Variants in RASGRP3 observed in about 807,000 individuals in gnomAD.
The protein encoded by RASGRP3 is RAS guanyl releasing protein 3.
In RASGRP3, 54 loss-of-function variants were observed where a neutral mutation model predicts 82.7. That is an observed-to-expected ratio of 0.65 (90% CI 0.52 to 0.82). The LOEUF (loss-of-function observed/expected upper bound fraction) is 0.82. RASGRP3 is among the 40% of genes least tolerant of loss of function. The pLI, the probability that RASGRP3 is intolerant of heterozygous loss-of-function variation, is 0.00. For missense variants in RASGRP3, 861 were observed against 828.9 expected (o/e 1.04, Z -0.48); for synonymous variants, 309 against 300.5 (o/e 1.03, Z -0.29).
chr2:33,470,666 A>G (rs1667005339), intron 2 of RASGRP3, among the ~76,000 whole-genome samples: 1 of 152,150 alleles, frequency 6.6e-6, no homozygotes, highest in Admixed American at 6.5e-5. Context: ...GGTGTGAGCC[A>G]CCACGCCCGG....
intron 7 of RASGRP3, among the ~76,000 whole-genome samples, chr2:33,522,428 G>T (rs1288428888): frequency 6.6e-6 from 1 of 152,178 alleles, no homozygotes; most frequent in Non-Finnish European, 1.5e-5. Context: ...AACATGTTTT[G>T]CTAGGCCCTT....
intron 2 of RASGRP3, among the ~76,000 whole-genome samples, chr2:33,460,662 A>C (rs1666310927): frequency 6.6e-6 from 1 of 151,794 alleles, no homozygotes; most frequent in South Asian, 2.1e-4. Context: ...CTACAGGCAC[A>C]AGCCGCCATG....
At chr2:33,492,799 C>G (rs1171487220) in intron 1 of RASGRP3, among the ~76,000 whole-genome samples, 1 of 152,172 alleles carries the variant, frequency 6.6e-6, no homozygotes, top group African/African-American at 2.4e-5. Context: ...ACCCTGGAAG[C>G]TGCCCTGGCC....
intron 1 of RASGRP3, among the ~76,000 whole-genome samples, chr2:33,441,184 A>G (rs1574210779): frequency 6.6e-6 from 1 of 152,116 alleles, no homozygotes; most frequent in African/African-American, 2.4e-5. Context: ...GAGCCACGGC[A>G]CCCAGCCTCC....
intron 13 of RASGRP3, among the ~76,000 whole-genome samples, chr2:33,547,628 T>C (rs1674928760): frequency 6.6e-6 from 1 of 152,000 alleles, no homozygotes; most frequent in African/African-American, 2.4e-5. Context: ...GTGCAAAAAT[T>C]CAGGACAACA....
intron 2 of RASGRP3, among the ~76,000 whole-genome samples, chr2:33,462,877 A>G (rs1448945290): frequency 1.3e-5 from 2 of 152,254 alleles, no homozygotes; most frequent in Admixed American, 6.5e-5. Context: ...GGAAATCATA[A>G]TTCTGAAAAT....
intron 1 of RASGRP3, among the ~76,000 whole-genome samples, chr2:33,477,835 C>G (rs897504): frequency 1.3e-5 from 2 of 152,066 alleles, no homozygotes; most frequent in Non-Finnish European, 1.5e-5. Context: ...TTCTGGAGAT[C>G]GCGTGGATCT....
At chr2:33,547,846 G>A (rs994985137) in intron 13 of RASGRP3, among the ~76,000 whole-genome samples, 42 of 152,070 alleles carry the variant, frequency 2.8e-4, no homozygotes, top group African/African-American at 1.0e-3. Flanking sequence ...TGGAGAGGAA[G>A]GAGGAGAAGC....
upstream of RASGRP3, among the ~76,000 whole-genome samples, chr2:33,475,170 T>A (rs1335803682): frequency 6.6e-6 from 1 of 152,370 alleles, no homozygotes; most frequent in African/African-American, 2.4e-5. Flanking sequence ...CATTTTTATA[T>A]CTGAAGTTTA....
chr2:33,509,434 T>A (rs923704861), intron 1 of RASGRP3, among the ~76,000 whole-genome samples: 1 of 152,052 alleles, frequency 6.6e-6, no homozygotes, highest in African/African-American at 2.4e-5. Flanking sequence ...CATGCCATTC[T>A]CCTTTCAAAC....
chr2:33,529,810 T>C (rs1391114180), intron 10 of RASGRP3, among the ~76,000 whole-genome samples: 1 of 151,990 alleles, frequency 6.6e-6, no homozygotes, highest in African/African-American at 2.4e-5. Flanking sequence ...AGCTCTAAAC[T>C]TCTAGGATTC....
intron 1 of RASGRP3, among the ~76,000 whole-genome samples, chr2:33,489,297 C>T (rs1021757027): frequency 6.6e-6 from 1 of 152,212 alleles, no homozygotes; most frequent in African/African-American, 2.4e-5. Context: ...TTACATGCAA[C>T]ATTTTTGCTT....
At chr2:33,485,977 A>T (rs1301879615) in intron 1 of RASGRP3, among the ~76,000 whole-genome samples, 1 of 152,186 alleles carries the variant, frequency 6.6e-6, no homozygotes, top group Non-Finnish European at 1.5e-5. Flanking sequence ...TATTTGGAAA[A>T]TTGTTTTGAG....
chr2:33,470,233 G>T (rs4670565), intron 2 of RASGRP3, among the ~76,000 whole-genome samples: 1 of 151,848 alleles, frequency 6.6e-6, no homozygotes, highest in East Asian at 1.9e-4. Context: ...AAGTTTTCCA[G>T]TACAGAAAAA....
intron 9 of RASGRP3, among the ~76,000 whole-genome samples, 181 bp from the exon 10 acceptor site, chr2:33,526,956 A>T (rs1232884950): frequency 2.0e-5 from 3 of 152,228 alleles, no homozygotes; most frequent in Non-Finnish European, 2.9e-5. Flanking sequence ...TGCTCAATGC[A>T]TAGCCAGGCC....
At chr2:33,547,342 CTTTTTTTTTTTTTTTT>C (rs59601670) in intron 13 of RASGRP3, among the ~76,000 whole-genome samples, 3 of 68,208 alleles carry the variant, frequency 4.4e-5, no homozygotes, top group Admixed American at 2.5e-4. Flanking sequence ...ATATAGAATC[CTTTTTTTTTTTTTTTT>C]TTTTTTTTTT....
At chr2:33,518,361 G>A (rs1671662295) in intron 4 of RASGRP3, among the ~76,000 whole-genome samples, 1 of 152,200 alleles carries the variant, frequency 6.6e-6, no homozygotes, top group Non-Finnish European at 1.5e-5. Context: ...AAGATAAAAA[G>A]TGGTACACCT....
At chr2:33,481,037 AG>A (rs1398342442) in intron 1 of RASGRP3, 1 of 152,246 alleles carries the variant, frequency 6.6e-6, no homozygotes, top group African/African-American at 2.4e-5. Context: ...GAGGAAATAG[AG>A]GACGAGAGAA....
chr2:33,501,638 C>G (rs1210562674), intron 1 of RASGRP3, among the ~76,000 whole-genome samples: 1 of 152,210 alleles, frequency 6.6e-6, no homozygotes, highest in African/African-American at 2.4e-5. Context: ...AAACCCTACT[C>G]CCTTCCTCTG....
Sources: gnomAD v4.1 joint callset for allele counts (sites outside exome capture counted in the v4.1 genomes callset) on GRCh38, gnomAD v4.1.1 for gene constraint, MANE v1.5 for transcripts, NCBI Gene and HGNC (gene_info 2026-07-23, HGNC 2026-07-21) for gene names.